Variants in SPICE1 observed in about 807,000 individuals in gnomAD.
SPICE1 encodes spindle and centriole associated protein 1.
A neutral mutation model predicts 102.7 loss-of-function variants in SPICE1; 75 were observed. That is an observed-to-expected ratio of 0.73 (90% CI 0.61 to 0.88). SPICE1 has a LOEUF of 0.88. Among genes scored for constraint, SPICE1 ranks in the 40% least tolerant of loss-of-function variants. The pLI is 0.00. For missense variants in SPICE1, 979 were observed against 1,020.1 expected, an observed-to-expected ratio of 0.96 and a Z score of 0.55; for synonymous variants, 308 against 350.3, an observed-to-expected ratio of 0.88 and a Z score of 1.35.
intron 1 of SPICE1, among the ~76,000 whole-genome samples, chr3:113,512,347 A>G (rs1171892904): frequency 6.7e-6 from 1 of 148,840 alleles, no homozygotes; most frequent in East Asian, 2.0e-4. Context: ...CCTTAGTTCT[A>G]CCTCCAAGTT....
At chr3:113,458,403 G>A (rs1041395172) in intron 12 of SPICE1, among the ~76,000 whole-genome samples, 4 of 151,940 alleles carry the variant, frequency 2.6e-5, no homozygotes, top group Admixed American at 6.6e-5. Context: ...TGGTGGAGAC[G>A]GGGTTTCGCC....
intron 3 of SPICE1, among the ~76,000 whole-genome samples, chr3:113,500,402 T>A (rs1168199143): frequency 1.3e-5 from 2 of 151,928 alleles, no homozygotes; most frequent in Non-Finnish European, 2.9e-5. Flanking sequence ...AAAAAACAAA[T>A]GAAGATGACA....
chr3:113,461,219 T>C (rs189546054), intron 11 of SPICE1, among the ~76,000 whole-genome samples: 1 of 152,064 alleles, frequency 6.6e-6, no homozygotes, highest in East Asian at 1.9e-4. Context: ...ATGTAATTAA[T>C]ATAAATATTA....
chr3:113,507,308 T>C (rs1937131291), intron 1 of SPICE1, among the ~76,000 whole-genome samples: 1 of 152,108 alleles, frequency 6.6e-6, no homozygotes, highest in South Asian at 2.1e-4. Flanking sequence ...AAAAGACCCA[T>C]AGTCCCCGAA....
chr3:113,485,191 TC>T (rs1559969853), intron 7 of SPICE1, among the ~76,000 whole-genome samples: 1 of 150,730 alleles, frequency 6.6e-6, no homozygotes, highest in African/African-American at 2.4e-5. Context: ...TTTTTTTTTT[TC>T]CATACCACAG....
intron 7 of SPICE1, among the ~76,000 whole-genome samples, chr3:113,477,933 TA>T (rs1416079089): frequency 2.0e-5 from 3 of 148,388 alleles, no homozygotes; most frequent in African/African-American, 7.5e-5. Flanking sequence ...ACTTAAAGTA[TA>T]ATAATAATAA....
chr3:113,463,944 T>C (rs1164475094), intron 11 of SPICE1, among the ~76,000 whole-genome samples: 3 of 152,080 alleles, frequency 2.0e-5, no homozygotes, highest in Admixed American at 2.0e-4. Context: ...GGCAGGCGCC[T>C]GTAGTCCCAG....
intron 12 of SPICE1, among the ~76,000 whole-genome samples, chr3:113,459,189 G>C (rs561550270): frequency 7.9e-4 from 121 of 152,274 alleles, no homozygotes; most frequent in African/African-American, 2.8e-3. Flanking sequence ...AGTGCAAGAT[G>C]TGCTTTGTTA....
chr3:113,492,666 G>A (rs1486894), intron 6 of SPICE1, among the ~76,000 whole-genome samples: 31,695 of 151,780 alleles, frequency 0.21, 3,573 homozygotes, highest in African/African-American at 0.29. Flanking sequence ...ATAACTTTTC[G>A]CACCTGATCC....
chr3:113,468,243 A>G lies in SPICE1; in HGVS notation c.1051T>C (p.Trp351Arg), dbSNP rs769750032. The G allele has an allele frequency of 1.2e-6, 2 of 1,614,122 alleles. No homozygotes were observed. The highest frequency in any genetic ancestry group is 2.2e-5 in the South Asian group (2 of 91,084). ...AGACCCTTGACCTCGCGACCTGTCCACCGCTCATATTCTTCCATTTCATGT... is the reference window on the plus strand; with the variant it reads ...AGACCCTTGACCTCGCGACCTGTCCGCCGCTCATATTCTTCCATTTCATGT... ...VEHEMEEYERWTGREVKGLQS... is the reference protein window; with the variant it reads ...VEHEMEEYERRTGREVKGLQS... Residue 351 changes from tryptophan to arginine, a missense_variant, in exon 10 of 18, where the codon TGG becomes CGG. Trp to Arg is a moderately radical substitution (Grantham distance 101). Coordinates refer to ENST00000295872, the MANE Select transcript of SPICE1 (RefSeq NM_144718.4).
rs146045872 is a variant in SPICE1 at position 113,447,922 on chromosome 3, G to C, written c.2426+116C>G. 260 of 841,768 alleles carry C rather than the reference G, an allele frequency of 3.1e-4. No homozygotes were observed. In the African/African-American group the frequency reaches 3.8e-3, roughly 12 times the overall value. The allele number at this position is 841,768 out of a possible 1,614,324, so 52.1% of individuals were successfully genotyped here. A position where few individuals can be genotyped will look rare whatever the true frequency, so the allele number is the denominator to read the frequency against. On this transcript the variant is annotated intron_variant, in intron 16 of 17. Coordinates refer to ENST00000295872, the MANE Select transcript of SPICE1 (RefSeq NM_144718.4). ...CAATTATTTTACTCTCTTTGCATGA[G>C]TCTGTCTCAACCTAAGTCAGATACT...
At position 113,480,593 on chromosome 3, in the gene SPICE1, A is replaced by G. The variant is rs529785607; in HGVS notation, c.611+8352T>C. On this transcript the variant is annotated intron_variant, in intron 7 of 17. Transcript: ENST00000295872. ...AACATAATGTACCATATTAAGAGAC[A>G]TAAGCAGAAAACTCATATGATTATC... 2.8e-4 allele frequency among the ~76,000 whole-genome samples: 42 copies of G among 152,348 alleles called. 1 individual carries two copies. The highest frequency in any genetic ancestry group is 8.7e-4 in the African/African-American group (36 of 41,600).
intron 3 of SPICE1, among the ~76,000 whole-genome samples, chr3:113,501,313 A>G (rs1196969909): frequency 6.6e-6 from 1 of 152,206 alleles, no homozygotes; most frequent in Admixed American, 6.5e-5. Flanking sequence ...TAAAACTCTT[A>G]GAAGAAAACA....
chr3:113,469,957 A>C (rs1936157064), intron 7 of SPICE1, among the ~76,000 whole-genome samples: 1 of 152,188 alleles, frequency 6.6e-6, no homozygotes, highest in Admixed American at 6.5e-5. Context: ...TGACCACAGC[A>C]TACTCTGTCC....
chr3:113,499,516 CT>C lies in SPICE1; in HGVS notation c.213del (p.Ala72LeufsTer2). 1 of 1,613,236 alleles carries C rather than the reference CT, an allele frequency of 6.2e-7. No individual in the cohort carries two copies. The highest frequency in any genetic ancestry group is 1.1e-5 in the South Asian group (1 of 91,032). ...TGCTTCCTCCATTTTCTCTTCAAAG[CT>C]TTTTCTTGGAGTTCCCAGTGTACTA... Reference protein sequence around the residue: ...RALVHWELQEKALKRKWRKQK... With the variant: ...RALVHWELQEXALKRKWRKQK... On this transcript the variant is annotated frameshift_variant, in exon 4 of 18. Coordinates refer to ENST00000295872, the MANE Select transcript of SPICE1 (RefSeq NM_144718.4). LOFTEE classifies it high-confidence loss of function.
intron 2 of SPICE1, 91 bp from the exon 3 acceptor site, chr3:113,503,318 T>C: frequency 7.7e-7 from 1 of 1,297,336 alleles, no homozygotes; most frequent in Admixed American, 3.2e-5. Flanking sequence ...TAAAATGGTT[T>C]CAAAATCCTA....
intron 12 of SPICE1, among the ~76,000 whole-genome samples, chr3:113,459,124 C>T (rs1274783979): frequency 6.6e-6 from 1 of 152,142 alleles, no homozygotes; most frequent in Non-Finnish European, 1.5e-5. Context: ...TACCCCCAAC[C>T]CCCTGCTCTC....
At chr3:113,485,199 A>G (rs1576639787) in intron 7 of SPICE1, among the ~76,000 whole-genome samples, 1 of 143,902 alleles carries the variant, frequency 6.9e-6, no homozygotes, top group African/African-American at 2.6e-5. Flanking sequence ...TTTCCATACC[A>G]CAGTGGCGCC....
intron 6 of SPICE1, among the ~76,000 whole-genome samples, chr3:113,491,629 A>AT (rs1349458448): frequency 6.8e-6 from 1 of 146,808 alleles, no homozygotes; most frequent in African/African-American, 2.6e-5. Flanking sequence ...CGTCTCAAAA[A>AT]AAAAAAAAAA....
Sources: allele counts gnomAD v4.1 joint callset (sites outside exome capture counted in the v4.1 genomes callset), GRCh38; gene constraint gnomAD v4.1.1; transcripts MANE v1.5; gene names NCBI Gene and HGNC (gene_info 2026-07-23, HGNC 2026-07-21).